Variants in ELAVL2 observed in about 807,000 individuals in gnomAD.
ELAVL2 encodes the protein ELAV like RNA binding protein 2, also known as ELAV-like protein 2.
In ELAVL2, 4 loss-of-function variants were observed where a neutral mutation model predicts 34.6. That is an observed-to-expected ratio of 0.12 (90% CI 0.06 to 0.26). The LOEUF (loss-of-function observed/expected upper bound fraction) is 0.26. ELAVL2 is among the 10% of genes least tolerant of loss of function. The probability of loss-of-function intolerance (pLI) is 1.00; values close to 1 mark genes in which losing one functional copy is unlikely to be tolerated. For missense variants in ELAVL2, 432 were observed against 442.8 expected, an observed-to-expected ratio of 0.98 and a Z score of 0.22; for synonymous variants, 193 against 154.8, an observed-to-expected ratio of 1.25 and a Z score of -1.83.
intron 1 of ELAVL2, among the ~76,000 whole-genome samples, chr9:23,797,933 GAAA>G (rs201601198): frequency 6.6e-4 from 96 of 145,194 alleles, no homozygotes; most frequent in African/African-American, 2.5e-3. Flanking sequence ...TGTCTCAAAA[GAAA>G]AAAAAAGAAA....
intron 1 of ELAVL2, among the ~76,000 whole-genome samples, chr9:23,807,862 TG>T (rs1381830892): frequency 6.6e-6 from 1 of 152,128 alleles, no homozygotes; most frequent in Non-Finnish European, 1.5e-5. Context: ...TTCAAAGCCA[TG>T]GGTAAAGAGA....
chr9:23,764,191 C>G (rs2055704508), intron 1 of ELAVL2, among the ~76,000 whole-genome samples: 1 of 152,108 alleles, frequency 6.6e-6, no homozygotes, highest in South Asian at 2.1e-4. Flanking sequence ...ACACTTAAAT[C>G]ACTACTGAAA....
chr9:23,766,296 A>T (rs575266777), intron 1 of ELAVL2, among the ~76,000 whole-genome samples: 2 of 152,164 alleles, frequency 1.3e-5, no homozygotes, highest in South Asian at 4.1e-4. Flanking sequence ...ACCCTATGTT[A>T]TTTTTCAAAA....
intron 1 of ELAVL2, among the ~76,000 whole-genome samples, chr9:23,777,999 C>T (rs2058494243): frequency 6.6e-6 from 1 of 152,062 alleles, no homozygotes; most frequent in Non-Finnish European, 1.5e-5. Context: ...AACATTCTTC[C>T]TGATACAAAG....
At chr9:23,837,121 T>A in the ELAVL2 span, among the ~76,000 whole-genome samples, 4 of 152,122 alleles carry the variant, frequency 2.6e-5, no homozygotes, top group Non-Finnish European at 5.9e-5. Context: ...AATATTTCCA[T>A]CAGCACTGGG....
At chr9:23,803,073 G>C (rs1226458357) in intron 1 of ELAVL2, among the ~76,000 whole-genome samples, 1 of 152,082 alleles carries the variant, frequency 6.6e-6, no homozygotes, top group African/African-American at 2.4e-5. Flanking sequence ...ATGCCTTTAT[G>C]GTGAATCCCT....
intron 3 of ELAVL2, among the ~76,000 whole-genome samples, chr9:23,718,632 C>A (rs1164708916): frequency 6.6e-6 from 1 of 152,196 alleles, no homozygotes; most frequent in Non-Finnish European, 1.5e-5. Context: ...GCCCTCCCCA[C>A]AGAGCCAAAG....
At chr9:23,751,652 T>G (rs1268476337) in intron 2 of ELAVL2, among the ~76,000 whole-genome samples, 1 of 152,166 alleles carries the variant, frequency 6.6e-6, no homozygotes, top group East Asian at 1.9e-4. Context: ...TTAAGGAAGA[T>G]GATGTCAATA....
intron 1 of ELAVL2, among the ~76,000 whole-genome samples, chr9:23,790,579 A>G (rs1038641498): frequency 6.6e-6 from 1 of 152,170 alleles, no homozygotes; most frequent in Non-Finnish European, 1.5e-5. Context: ...TAAAAGGCTC[A>G]CTGCAGTCCC....
At position 23,735,783 on chromosome 9, in the gene ELAVL2, C is replaced by G. The variant is rs75810788; in HGVS notation, c.230-4658G>C. ...CACAAGGAGAACAGTTATAAACAGG[C>G]TGGTAGAAATCATGGTCAAGGGATC... On this transcript the variant is annotated intron_variant, in intron 2 of 6. Coordinates refer to ENST00000397312, the MANE Select transcript of ELAVL2 (RefSeq NM_004432.5). Among the ~76,000 whole-genome samples the G allele has an allele frequency of 2.6e-3, 394 of 152,208 alleles. 1 individual carries two copies. Among genetic ancestry groups the G allele is most frequent in the African/African-American group, 9.0e-3 (372 of 41,512 alleles).
At position 23,734,698 on chromosome 9, in the gene ELAVL2, A is replaced by G. The variant is rs557113550; in HGVS notation, c.230-3573T>C. 3.3e-5 allele frequency among the ~76,000 whole-genome samples: 5 copies of G among 152,296 alleles called. No homozygotes were observed. The East Asian group carries it at 9.7e-4, about 29-fold the overall frequency. On this transcript the variant is annotated intron_variant, in intron 2 of 6. Transcript: ENST00000397312. ...ACAAATATCAGTTTTACTATATATG[A>G]ATTTCAGTGCCATTATTCATTCCTA...
chr9:23,755,475 G>A (rs568761724), intron 2 of ELAVL2, among the ~76,000 whole-genome samples: 55 of 152,068 alleles, frequency 3.6e-4, no homozygotes, highest in African/African-American at 1.3e-3. Context: ...CAAGACCTTT[G>A]GCAAAGAAAC....
chr9:23,727,432 A>G (rs927660791), intron 3 of ELAVL2, among the ~76,000 whole-genome samples: 4 of 152,132 alleles, frequency 2.6e-5, no homozygotes, highest in African/African-American at 9.7e-5. Flanking sequence ...AAAAACATTA[A>G]TATTTTGGTT....
intron 2 of ELAVL2, among the ~76,000 whole-genome samples, chr9:23,740,145 T>G (rs2048823933): frequency 6.6e-6 from 1 of 152,088 alleles, no homozygotes; most frequent in African/African-American, 2.4e-5. Context: ...TATGAAAAAG[T>G]CAGTAAGTTT....
chr9:23,713,253 G>A (rs1201786972), intron 3 of ELAVL2, among the ~76,000 whole-genome samples: 2 of 152,134 alleles, frequency 1.3e-5, no homozygotes, highest in African/African-American at 4.8e-5. Context: ...TGCAACTTAG[G>A]CCATAAATAC....
rs375479184 is a variant in ELAVL2, at chr9:23,697,491, CTTT to C, written c.713+3885_713+3887del. Among the ~76,000 whole-genome samples, 42 of 152,146 alleles carry C rather than the reference CTTT, an allele frequency of 2.8e-4. 1 individual carries two copies. The highest frequency in any genetic ancestry group is 9.9e-4 in the African/African-American group (41 of 41,518). On this transcript the variant is annotated intron_variant, in intron 5 of 6. Transcript: ENST00000397312. ...TAATACAGATTGTCTCATCTTTATC[CTTT>C]TTTATGTTTGATTAGAGTTTATAAT... is the stretch of plus-strand genomic sequence containing the variant.
At chr9:23,754,669 C>T (rs1317845657) in intron 2 of ELAVL2, among the ~76,000 whole-genome samples, 1 of 152,076 alleles carries the variant, frequency 6.6e-6, no homozygotes, top group Non-Finnish European at 1.5e-5. Flanking sequence ...ACCATGTTGG[C>T]CATGGTTGGT....
chr9:23,847,192 T>G, the ELAVL2 span: 1 of 152,134 alleles, frequency 6.6e-6, no homozygotes, highest in South Asian at 2.1e-4. Context: ...TAATACCAAT[T>G]AGAAACAATA....
intron 1 of ELAVL2, among the ~76,000 whole-genome samples, chr9:23,800,200 T>TAG (rs1308064087): frequency 6.6e-6 from 1 of 152,198 alleles, no homozygotes; most frequent in Non-Finnish European, 1.5e-5. Context: ...TCCCATTCTG[T>TAG]AGGTCAGACA....
Sources: allele counts gnomAD v4.1 joint callset (sites outside exome capture counted in the v4.1 genomes callset), GRCh38; gene constraint gnomAD v4.1.1; transcripts MANE v1.5; gene names NCBI Gene and HGNC (gene_info 2026-07-23, HGNC 2026-07-21).